The following BMP5 variants were observed in gnomAD, a reference collection of about 807,000 sequenced individuals.
BMP5 encodes bone morphogenetic protein 5.
Under a neutral mutation model 46.6 loss-of-function variants are expected in BMP5, and 23 were observed. That is an observed-to-expected ratio of 0.49 (90% confidence interval 0.35 to 0.70). BMP5 has a LOEUF of 0.70. Among genes scored for constraint, BMP5 ranks in the 30% least tolerant of loss-of-function variants. The pLI is 0.00. For missense variants in BMP5, 545 were observed against 565.6 expected (o/e 0.96, Z 0.37); for synonymous variants, 204 against 191.9 (o/e 1.06, Z -0.52).
chr6:55,850,636 C>G (rs773340384), intron 1 of BMP5, among the ~76,000 whole-genome samples: 2 of 152,166 alleles, frequency 1.3e-5, no homozygotes, highest in East Asian at 3.8e-4. Flanking sequence ...ATCCTTTCCT[C>G]TTCTGGCAAA....
intron 4 of BMP5, among the ~76,000 whole-genome samples, chr6:55,764,725 A>C (rs1173800060): frequency 6.6e-6 from 1 of 152,078 alleles, no homozygotes; most frequent in Non-Finnish European, 1.5e-5. Flanking sequence ...AAGCTAAAAA[A>C]AAAAAAAAAG....
intron 1 of BMP5, among the ~76,000 whole-genome samples, chr6:55,840,416 T>A (rs1364054726): frequency 6.6e-6 from 1 of 152,196 alleles, no homozygotes; most frequent in Admixed American, 6.5e-5. Flanking sequence ...ATGGTGAGCA[T>A]AGATAACCTT....
intron 1 of BMP5, among the ~76,000 whole-genome samples, chr6:55,869,907 A>C (rs1485343542): frequency 6.6e-6 from 1 of 152,130 alleles, no homozygotes; most frequent in Non-Finnish European, 1.5e-5. Flanking sequence ...ATTGATTTTC[A>C]ACTAATTTAA....
chr6:55,847,490 G>T (rs1777125902), intron 1 of BMP5, among the ~76,000 whole-genome samples: 1 of 151,902 alleles, frequency 6.6e-6, no homozygotes, highest in Non-Finnish European at 1.5e-5. Flanking sequence ...CTTAAAGGTA[G>T]ACTGATACAA....
chr6:55,840,849 G>A (rs1028144908), intron 1 of BMP5, among the ~76,000 whole-genome samples: 20 of 152,176 alleles, frequency 1.3e-4, no homozygotes, highest in Middle Eastern at 3.4e-3. Context: ...TGTACATTTC[G>A]TAGTATAGTT....
intron 5 of BMP5, 79 bp from the exon 6 acceptor site, chr6:55,759,194 A>AAAAC (rs1554174497): frequency 6.1e-5 from 49 of 797,400 alleles, no homozygotes; most frequent in Admixed American, 8.5e-5. Context: ...CAACAAGAAA[A>AAAAC]AATATCACCA....
intron 4 of BMP5, 44 bp downstream of exon 4, chr6:55,774,005 C>A: frequency 6.3e-7 from 1 of 1,596,770 alleles, no homozygotes; most frequent in Non-Finnish European, 8.6e-7. Context: ...AGCATACGAC[C>A]CCATAACTCT....
At position 55,835,480 on chromosome 6, in the gene BMP5, G is replaced by A. The variant is rs115405209; in HGVS notation, c.491-15633C>T. ...ACTAACTTGCAAATCAACTCAAACT[G>A]CAAATCTAGCTCTATTCGTATTTAC... On this transcript the variant is annotated intron_variant, in intron 1 of 6. Transcript: ENST00000370830. Among the ~76,000 whole-genome samples the A allele has an allele frequency of 7.7e-3, 1,165 of 152,242 alleles. 13 individuals are homozygous for A. The highest frequency in any genetic ancestry group is 0.027 in the African/African-American group (1,113 of 41,542).
Position 55,874,381 on chromosome 6 carries a change from T to C in BMP5, c.485A>G (p.Asn162Ser), listed in dbSNP as rs1286087622. 1.9e-6 allele frequency: 3 copies of C among 1,613,058 alleles called. No homozygotes were observed. Among genetic ancestry groups the C allele is most frequent in the Admixed American group, 1.7e-5 (1 of 59,898 alleles). ...CAAACAAATGAACAACATACCTAAG[T>C]TGACAAAGCTCATGACCATGTCAGC... ...NDADMVMSFVNLVERDKDFSH... is the reference protein window; with the variant it reads ...NDADMVMSFVSLVERDKDFSH... Residue 162 changes from asparagine to serine, a missense_variant, in exon 1 of 7, where the codon AAC becomes AGC. Asn to Ser is a conservative substitution (Grantham distance 46). Transcript: ENST00000370830.
chr6:55,767,206 T>C (rs1774934662), intron 4 of BMP5, among the ~76,000 whole-genome samples: 1 of 152,010 alleles, frequency 6.6e-6, no homozygotes, highest in Non-Finnish European at 1.5e-5. Flanking sequence ...TTTCTCTTGC[T>C]TCTAAAGTCT....
intron 1 of BMP5, among the ~76,000 whole-genome samples, chr6:55,852,644 T>G (rs1207735225): frequency 6.6e-6 from 1 of 152,186 alleles, no homozygotes; most frequent in Non-Finnish European, 1.5e-5. Context: ...TTAATTTTAG[T>G]ATGTTTTCAG....
chr6:55,780,470 A>AAAG (rs1554181021), intron 3 of BMP5, among the ~76,000 whole-genome samples: 23 of 131,738 alleles, frequency 1.7e-4, no homozygotes, highest in Admixed American at 4.9e-4. Flanking sequence ...AAAAAAAAAA[A>AAAG]AAAGAAAGAA....
chr6:55,817,691 GTATACA>G (rs1349517307), intron 2 of BMP5, among the ~76,000 whole-genome samples: 1 of 151,928 alleles, frequency 6.6e-6, no homozygotes, highest in African/African-American at 2.4e-5. Flanking sequence ...CATGGCACAT[GTATACA>G]TATGTAACGA....
chr6:55,819,018 T>G (rs1383914153), intron 2 of BMP5, among the ~76,000 whole-genome samples: 1 of 152,120 alleles, frequency 6.6e-6, no homozygotes, highest in Non-Finnish European at 1.5e-5. Flanking sequence ...CAAAGGTAGA[T>G]TCATCACCTG....
At chr6:55,767,700 T>C (rs1774948452) in intron 4 of BMP5, among the ~76,000 whole-genome samples, 1 of 152,034 alleles carries the variant, frequency 6.6e-6, no homozygotes. Flanking sequence ...TTAGTTACTG[T>C]CATAATTACG....
intron 4 of BMP5, among the ~76,000 whole-genome samples, chr6:55,767,843 T>C (rs374096111): frequency 6.6e-6 from 1 of 151,982 alleles, no homozygotes; most frequent in East Asian, 1.9e-4. Context: ...ATGCCAATAC[T>C]AAGCTGCAAC....
intron 1 of BMP5, among the ~76,000 whole-genome samples, chr6:55,837,319 T>A (rs1451200212): frequency 6.8e-6 from 1 of 147,594 alleles, no homozygotes; most frequent in Non-Finnish European, 1.5e-5. Context: ...ACTCTTTATA[T>A]CCTTATAAAA....
rs370339699 is a variant in BMP5, at chr6:55,844,072, C to A, written c.491-24225G>T. Among the ~76,000 whole-genome samples, 3 of 152,000 alleles carry A rather than the reference C, an allele frequency of 2.0e-5. No homozygotes were observed. In the East Asian group the frequency reaches 5.8e-4, roughly 29 times the overall value. ...TTTATAATACAGGAAGGGTTGTTTT[C>A]AGTTTAATAAACTTTCCACCCACCC... On this transcript the variant is annotated intron_variant, in intron 1 of 6. Transcript: ENST00000370830.
At chr6:55,788,860 A>T (rs1480277846) in intron 3 of BMP5, among the ~76,000 whole-genome samples, 1 of 151,910 alleles carries the variant, frequency 6.6e-6, no homozygotes, top group Non-Finnish European at 1.5e-5. Flanking sequence ...CAAAACTTTA[A>T]ATTCTAAGTT....
Sources: allele counts gnomAD v4.1 joint callset (sites outside exome capture counted in the v4.1 genomes callset), GRCh38; gene constraint gnomAD v4.1.1; transcripts MANE v1.5; gene names NCBI Gene and HGNC (gene_info 2026-07-23, HGNC 2026-07-21).